Variants in GSK3B observed in about 807,000 individuals in gnomAD.
GSK3B encodes glycogen synthase kinase 3 beta, also known as glycogen synthase kinase-3 beta.
Under a neutral mutation model 56.4 loss-of-function variants are expected in GSK3B, and 15 were observed. The ratio of observed to expected loss-of-function variants is 0.27; its 90% CI spans 0.18 to 0.41. GSK3B has a LOEUF of 0.41. GSK3B is among the 10% of genes least tolerant of loss of function. The pLI, the probability that GSK3B is intolerant of heterozygous loss-of-function variation, is 1.00. For missense variants in GSK3B, 300 were observed against 513.4 expected, an observed-to-expected ratio of 0.58 and a Z score of 4.02; for synonymous variants, 181 against 188.9, an observed-to-expected ratio of 0.96 and a Z score of 0.34.
intron 7 of GSK3B, among the ~76,000 whole-genome samples, chr3:119,886,930 C>G (rs1466211305): frequency 6.6e-6 from 1 of 152,062 alleles, no homozygotes; most frequent in East Asian, 1.9e-4. Context: ...GTGAAAAGAT[C>G]ATTCATACCT....
In GSK3B at chr3:120,069,951, A is replaced by G. The variant is rs930289620; in HGVS notation, c.88+23396T>C. Among the ~76,000 whole-genome samples, 14 of 152,224 alleles carry G rather than the reference A, an allele frequency of 9.2e-5. No homozygotes were observed. The South Asian group carries it at 1.0e-3, about 11-fold the overall frequency. ...AGGGGAAGGCCAGGCGCGGTGGCTCATGCCTGTAATCCCAGTACTTTGTGA... is the reference window on the plus strand; with the variant it reads ...AGGGGAAGGCCAGGCGCGGTGGCTCGTGCCTGTAATCCCAGTACTTTGTGA... On this transcript the variant is annotated intron_variant, in intron 1 of 10. Coordinates refer to ENST00000264235, the MANE Select transcript of GSK3B (RefSeq NM_001146156.2).
intron 2 of GSK3B, among the ~76,000 whole-genome samples, chr3:119,973,827 T>C (rs980843661): frequency 6.6e-6 from 1 of 152,224 alleles, no homozygotes; most frequent in Non-Finnish European, 1.5e-5. Context: ...TTCATGGTTT[T>C]AGGCATCCAC....
At chr3:119,887,735 A>T (rs1227818428) in intron 7 of GSK3B, among the ~76,000 whole-genome samples, 1 of 152,112 alleles carries the variant, frequency 6.6e-6, no homozygotes, top group Non-Finnish European at 1.5e-5. Context: ...AAAAACCATG[A>T]TTATCCCACA....
intron 10 of GSK3B, among the ~76,000 whole-genome samples, chr3:119,827,335 G>A (rs893150978): frequency 2.0e-5 from 3 of 152,182 alleles, no homozygotes; most frequent in Admixed American, 6.5e-5. Context: ...ATTATTCATA[G>A]AGATGGAAGA....
rs187775390 is a variant in GSK3B at position 119,968,016 on chromosome 3, C to T, written c.283-20665G>A. Among the ~76,000 whole-genome samples the T allele has an allele frequency of 2.5e-3, 379 of 152,176 alleles. 3 individuals carry two copies. The highest frequency in any genetic ancestry group is 8.8e-3 in the African/African-American group (365 of 41,518). On this transcript the variant is annotated intron_variant, in intron 2 of 10. Coordinates refer to ENST00000264235, the MANE Select transcript of GSK3B (RefSeq NM_001146156.2). ...GATTACAGGCACGTGCCACCACACC[C>T]GGCTAATTTTTTGTATTTTTAGTAG...
intron 8 of GSK3B, among the ~76,000 whole-genome samples, chr3:119,872,630 T>C (rs1201929475): frequency 6.6e-6 from 1 of 152,108 alleles, no homozygotes; most frequent in Non-Finnish European, 1.5e-5. Flanking sequence ...GATATGATGG[T>C]GGCCTAAACT....
At chr3:120,053,539 G>A (rs895252731) in intron 1 of GSK3B, among the ~76,000 whole-genome samples, 1 of 152,156 alleles carries the variant, frequency 6.6e-6, no homozygotes, top group Non-Finnish European at 1.5e-5. Flanking sequence ...CCACATCAAT[G>A]AGTTAGTGGG....
chr3:120,034,527 T>C (rs906904507), intron 1 of GSK3B, among the ~76,000 whole-genome samples: 3 of 152,218 alleles, frequency 2.0e-5, no homozygotes, highest in South Asian at 4.1e-4. Flanking sequence ...TCAAAACCAA[T>C]TGACCATAAA....
At chr3:120,072,502 G>A (rs1206739252) in intron 1 of GSK3B, among the ~76,000 whole-genome samples, 1 of 152,034 alleles carries the variant, frequency 6.6e-6, no homozygotes, top group Non-Finnish European at 1.5e-5. Context: ...CAGGAGAATC[G>A]CTTGAACCTG....
intron 2 of GSK3B, among the ~76,000 whole-genome samples, chr3:119,962,750 A>C (rs1467513444): frequency 1.3e-5 from 2 of 152,200 alleles, no homozygotes; most frequent in African/African-American, 4.8e-5. Context: ...TTTTTGGCAC[A>C]AGGGACCAGT....
intron 1 of GSK3B, among the ~76,000 whole-genome samples, chr3:120,078,656 G>A (rs530244095): frequency 1.3e-5 from 2 of 151,196 alleles, no homozygotes; most frequent in East Asian, 3.9e-4. Flanking sequence ...GGGTTCAAGC[G>A]ATTCTTCTGC....
intron 4 of GSK3B, among the ~76,000 whole-genome samples, chr3:119,922,520 CTATTAT>C (rs539174362): frequency 1.8e-4 from 27 of 146,824 alleles, no homozygotes; most frequent in East Asian, 7.9e-4. Flanking sequence ...TGAAGAACTT[CTATTAT>C]TATTATTATT....
At chr3:120,064,917 C>T (rs2058266948) in intron 1 of GSK3B, among the ~76,000 whole-genome samples, 1 of 152,122 alleles carries the variant, frequency 6.6e-6, no homozygotes, top group Non-Finnish European at 1.5e-5. Flanking sequence ...ATAAGCTCTT[C>T]AACAAATGGA....
intron 10 of GSK3B, 38 bp downstream of exon 10, chr3:119,843,217 G>T: frequency 7.4e-7 from 1 of 1,349,872 alleles, no homozygotes. Context: ...GCCCAGCCCA[G>T]AATATGTTTT....
At chr3:119,925,609 G>C (rs1057071299) in intron 3 of GSK3B, among the ~76,000 whole-genome samples, 6 of 151,982 alleles carry the variant, frequency 3.9e-5, no homozygotes, top group Non-Finnish European at 7.4e-5. Context: ...TGTACTCAAG[G>C]TCATTGCTCC....
rs997380148 is a variant in GSK3B at position 119,890,509 on chromosome 3, C to T, written c.814-14001G>A. Among the ~76,000 whole-genome samples the T allele has an allele frequency of 7.9e-5, 12 of 152,078 alleles. No individual in the cohort carries two copies. In the East Asian group the frequency reaches 2.3e-3, roughly 29 times the overall value. On this transcript the variant is annotated intron_variant, in intron 7 of 10. Coordinates refer to ENST00000264235, the MANE Select transcript of GSK3B (RefSeq NM_001146156.2). ...CACAAAGGAGAATGAACAGGGTGACCAACCATCCCAGTTTGCCTGGGACCA... is the reference window on the plus strand; with the variant it reads ...CACAAAGGAGAATGAACAGGGTGACTAACCATCCCAGTTTGCCTGGGACCA...
At chr3:120,033,206 T>C (rs1489953151) in intron 1 of GSK3B, among the ~76,000 whole-genome samples, 1 of 152,242 alleles carries the variant, frequency 6.6e-6, no homozygotes, top group Admixed American at 6.5e-5. Flanking sequence ...TCAGTAATAA[T>C]CCATTTATGG....
chr3:119,950,274 G>A (rs1044727012), intron 2 of GSK3B, among the ~76,000 whole-genome samples: 8 of 152,110 alleles, frequency 5.3e-5, no homozygotes, highest in Admixed American at 3.9e-4. Flanking sequence ...TTCCTATTGC[G>A]TTACTTTAGA....
At chr3:119,967,407 T>C (rs28821007) in intron 2 of GSK3B, among the ~76,000 whole-genome samples, 9,421 of 152,226 alleles carry the variant, frequency 0.062, 920 homozygotes, top group African/African-American at 0.21. Flanking sequence ...AAGATATTGA[T>C]AAGATAATCC....
Sources: gnomAD v4.1 joint callset for allele counts (sites outside exome capture counted in the v4.1 genomes callset) on GRCh38, gnomAD v4.1.1 for gene constraint, MANE v1.5 for transcripts, NCBI Gene and HGNC (gene_info 2026-07-23, HGNC 2026-07-21) for gene names.